The following HDAC9 variants were observed in gnomAD, a reference collection of about 807,000 sequenced individuals.
HDAC9 encodes the protein MEF-2 interacting transcription repressor (MITR) protein.
A neutral mutation model predicts 139.4 loss-of-function variants in HDAC9; 41 were observed. That is an observed-to-expected ratio of 0.29 (90% CI 0.23 to 0.38). The LOEUF (loss-of-function observed/expected upper bound fraction) is 0.38. Ranked by LOEUF, HDAC9 falls within the 10% of genes least tolerant of loss-of-function variation. The pLI, the probability that HDAC9 is intolerant of heterozygous loss-of-function variation, is 1.00. For missense variants in HDAC9, 1,147 were observed against 1,297.0 expected, an observed-to-expected ratio of 0.88 and a Z score of 1.78; for synonymous variants, 517 against 476.2, an observed-to-expected ratio of 1.09 and a Z score of -1.12.
At chr7:18,142,778 C>T (rs1046940725) in intron 1 of HDAC9, among the ~76,000 whole-genome samples, 15 of 152,204 alleles carry the variant, frequency 9.9e-5, no homozygotes, top group Admixed American at 2.6e-4. Context: ...ATCATCCATC[C>T]TCCTAGAGGA....
intron 2 of HDAC9, among the ~76,000 whole-genome samples, chr7:18,283,344 C>A (rs961359203): frequency 3.9e-5 from 6 of 152,140 alleles, no homozygotes; most frequent in Non-Finnish European, 8.8e-5. Context: ...AAGTCCACCC[C>A]CATAATCCAA....
At chr7:18,791,721 C>T (rs147321974) in intron 16 of HDAC9, among the ~76,000 whole-genome samples, 89 of 152,226 alleles carry the variant, frequency 5.8e-4, no homozygotes, top group African/African-American at 2.1e-3. Flanking sequence ...GTCCCGTGGT[C>T]TTCAGAACAG....
intron 1 of HDAC9, among the ~76,000 whole-genome samples, chr7:18,477,774 A>T (rs1162095144): frequency 6.6e-6 from 1 of 152,128 alleles, no homozygotes; most frequent in Non-Finnish European, 1.5e-5. Context: ...AATCAAGAGA[A>T]CTTTAGAATA....
At chr7:18,523,049 GC>G (rs1805591048) in intron 2 of HDAC9, among the ~76,000 whole-genome samples, 1 of 152,166 alleles carries the variant, frequency 6.6e-6, no homozygotes, top group African/African-American at 2.4e-5. Context: ...GGCCTGGGAA[GC>G]CTTTCAAAGG....
intron 2 of HDAC9, among the ~76,000 whole-genome samples, chr7:18,262,417 G>A (rs1020277657): frequency 6.6e-6 from 1 of 152,102 alleles, no homozygotes; most frequent in African/African-American, 2.4e-5. Flanking sequence ...GAGAAATTAA[G>A]GCATTTCCAG....
At chr7:18,408,454 C>A (rs1373492181) in intron 1 of HDAC9, among the ~76,000 whole-genome samples, 1 of 152,114 alleles carries the variant, frequency 6.6e-6, no homozygotes, top group Non-Finnish European at 1.5e-5. Context: ...TGACATAAAT[C>A]TTTTAATTTC....
At chr7:18,333,201 C>T (rs1468060519) in intron 1 of HDAC9, among the ~76,000 whole-genome samples, 1 of 151,312 alleles carries the variant, frequency 6.6e-6, no homozygotes, top group Non-Finnish European at 1.5e-5. Flanking sequence ...CAGAGCTCAA[C>T]TAGAGATAGA....
chr7:18,625,894 C>T (rs1841556609), intron 6 of HDAC9, among the ~76,000 whole-genome samples: 1 of 136,374 alleles, frequency 7.3e-6, no homozygotes, highest in Non-Finnish European at 1.5e-5. Context: ...CAGCAGTGAG[C>T]CAAGATCGTA....
chr7:18,451,368 C>CAT lies in HDAC9; in HGVS notation c.-41-44894_-41-44893insAT, dbSNP rs1554422576. On this transcript the variant is annotated intron_variant, in intron 1 of 3. Coordinates refer to the HDAC9 transcript ENST00000413509. ...ATGGACCAAGACACATGTATATGTG[C>CAT]GTGTGTGTGTGTGTGTGTGTGTGTG... 1.4e-3 allele frequency among the ~76,000 whole-genome samples: 190 copies of CAT among 138,870 alleles called. 1 individual carries two copies. The highest frequency in any genetic ancestry group is 4.0e-3 in the African/African-American group (149 of 37,264). 91.1% of individuals were successfully genotyped at this position (138,870 alleles called of 152,430 possible).
chr7:18,688,105 T>A (rs961895522), intron 12 of HDAC9, among the ~76,000 whole-genome samples: 1 of 151,832 alleles, frequency 6.6e-6, no homozygotes, highest in Admixed American at 6.6e-5. Flanking sequence ...GAGCTATGTC[T>A]ATATGTGTGT....
chr7:18,155,069 C>CT (rs1787078237), intron 1 of HDAC9, among the ~76,000 whole-genome samples: 1 of 143,476 alleles, frequency 7.0e-6, no homozygotes, highest in Admixed American at 6.8e-5. Context: ...GTAGACAAAG[C>CT]TTTTTTTCTT....
At chr7:18,459,256 T>C (rs905424695) in intron 1 of HDAC9, among the ~76,000 whole-genome samples, 1 of 152,120 alleles carries the variant, frequency 6.6e-6, no homozygotes, top group Non-Finnish European at 1.5e-5. Context: ...TCCTACTAAG[T>C]TTTAACAGAT....
intron 11 of HDAC9, among the ~76,000 whole-genome samples, chr7:18,653,344 C>T (rs1194118457): frequency 1.3e-5 from 2 of 151,222 alleles, no homozygotes; most frequent in African/African-American, 4.9e-5. Context: ...GAGTTAATTA[C>T]TTCTCTGGAT....
intron 16 of HDAC9, among the ~76,000 whole-genome samples, chr7:18,775,144 A>G (rs1015592044): frequency 1.3e-5 from 2 of 152,080 alleles, no homozygotes; most frequent in Non-Finnish European, 2.9e-5. Flanking sequence ...TTATATGGGC[A>G]CGATTCATGG....
chr7:18,331,305 A>G (rs189595242), intron 1 of HDAC9, among the ~76,000 whole-genome samples: 28 of 151,722 alleles, frequency 1.8e-4, no homozygotes, highest in African/African-American at 6.0e-4. Context: ...ATTATCTTTT[A>G]CTTTTGTTAT....
chr7:18,952,817 G>T lies in HDAC9; in HGVS notation c.2938-1329G>T, dbSNP rs1481624362. Among the ~76,000 whole-genome samples, 10 of 141,856 alleles carry T rather than the reference G, an allele frequency of 7.0e-5. No homozygotes were observed. In the South Asian group the frequency reaches 9.0e-4, roughly 13 times the overall value. The allele number at this position is 141,856 out of a possible 152,430, so 93.1% of individuals were successfully genotyped here. On this transcript the variant is annotated intron_variant, in intron 23 of 25. Coordinates refer to ENST00000686413, the MANE Select transcript of HDAC9 (RefSeq NM_178425.4). ...ACTGCCACAGAGCGGTGGTGGTGAT[G>T]TTTTTTTTTTTTTTTCCTCTCACCA...
intron 16 of HDAC9, 110 bp from the exon 17 acceptor site, chr7:18,793,235 C>A: frequency 1.4e-6 from 1 of 729,776 alleles, no homozygotes; most frequent in Middle Eastern, 2.6e-4. Context: ...GATTTGCTTT[C>A]TCTCTCTGTC....
At chr7:18,651,326 G>A (rs981860136) in intron 11 of HDAC9, among the ~76,000 whole-genome samples, 47 of 152,196 alleles carry the variant, frequency 3.1e-4, no homozygotes, top group African/African-American at 1.1e-3. Context: ...GATACTTATA[G>A]CAGGAAATAC....
chr7:18,312,323 G>C (rs926603556), intron 1 of HDAC9, among the ~76,000 whole-genome samples: 1 of 152,066 alleles, frequency 6.6e-6, no homozygotes, highest in Admixed American at 6.6e-5. Flanking sequence ...TCTCTTTCTT[G>C]TGTAGCCTTC....
Sources: gnomAD v4.1 joint callset for allele counts (sites outside exome capture counted in the v4.1 genomes callset) on GRCh38, gnomAD v4.1.1 for gene constraint, MANE v1.5 for transcripts, NCBI Gene and HGNC (gene_info 2026-07-23, HGNC 2026-07-21) for gene names.